SMAD4: variants seen among roughly 807,000 people sequenced by gnomAD.
SMAD4 encodes the protein SMAD family member 4, also known as MAD homolog 4.
A neutral mutation model predicts 63.2 loss-of-function variants in SMAD4; 7 were observed. That is an observed-to-expected ratio of 0.11 (90% CI 0.06 to 0.21). The LOEUF (loss-of-function observed/expected upper bound fraction) is 0.21. Ranked by LOEUF, SMAD4 falls within the 10% of genes least tolerant of loss-of-function variation. SMAD4 has a pLI of 1.00. For synonymous variants in SMAD4, 215 were observed against 235.4 expected (o/e 0.91, Z 0.79); for missense variants, 312 against 693.8 (o/e 0.45, Z 6.18).
intron 5 of SMAD4, among the ~76,000 whole-genome samples, chr18:51,057,124 A>C (rs1909866440): frequency 6.6e-6 from 1 of 152,214 alleles, no homozygotes; most frequent in Non-Finnish European, 1.5e-5. Flanking sequence ...GAAATGTGAT[A>C]TGTAAAGAAA....
Position 51,038,300 on chromosome 18 carries a change from G to GT in SMAD4, c.-128+7678dup, listed in dbSNP as rs1162950099. On this transcript the variant is annotated intron_variant, in intron 1 of 11. Coordinates refer to ENST00000342988, the MANE Select transcript of SMAD4 (RefSeq NM_005359.6). The stretch of plus-strand genomic sequence containing the variant: ...GTGTGTCAACACTGGGAAGATCTGT[G>GT]TAACTCATTGAACCAATATTTTCCC... Among the ~76,000 whole-genome samples the GT allele has an allele frequency of 2.4e-4, 37 of 151,808 alleles. No homozygotes were observed. In the South Asian group the frequency reaches 3.1e-3, roughly 13 times the overall value.
chr18:51,060,022 G>C, intron 8 of SMAD4, 106 bp downstream of exon 8: 1 of 813,554 alleles, frequency 1.2e-6, no homozygotes, highest in Non-Finnish European at 2.2e-6. Context: ...TCTCAGATGA[G>C]TACAATACTC....
intron 4 of SMAD4, chr18:51,052,408 C>A (rs1362623562): frequency 6.5e-6 from 1 of 153,108 alleles, no homozygotes; most frequent in Non-Finnish European, 1.5e-5. Flanking sequence ...AAAAATATTA[C>A]AAAAGACTGC....
chr18:51,045,491 AAGTT>A (rs1474959060), intron 1 of SMAD4, among the ~76,000 whole-genome samples: 5 of 152,184 alleles, frequency 3.3e-5, no homozygotes, highest in African/African-American at 1.2e-4. Flanking sequence ...GGGATCAGAT[AAGTT>A]AGTTTTCTAC....
chr18:51,057,518 T>G (rs959162751), intron 5 of SMAD4, among the ~76,000 whole-genome samples: 2 of 152,218 alleles, frequency 1.3e-5, no homozygotes, highest in African/African-American at 4.8e-5. Flanking sequence ...TGAAAAAATT[T>G]GAAAGTAGAC....
chr18:51,033,670 T>C (rs1291051519), intron 1 of SMAD4, among the ~76,000 whole-genome samples: 1 of 152,220 alleles, frequency 6.6e-6, no homozygotes, highest in African/African-American at 2.4e-5. Context: ...ATATGCTTGA[T>C]CATAAGTCAG....
intron 10 of SMAD4, among the ~76,000 whole-genome samples, chr18:51,071,930 A>G (rs543976042): frequency 6.6e-6 from 1 of 152,324 alleles, no homozygotes; most frequent in African/African-American, 2.4e-5. Context: ...AGCTTCATCC[A>G]TGTAGCACAT....
chr18:51,037,157 C>G (rs1485700072), intron 1 of SMAD4, among the ~76,000 whole-genome samples: 1 of 152,122 alleles, frequency 6.6e-6, no homozygotes, highest in Non-Finnish European at 1.5e-5. Flanking sequence ...GCACTCCAGC[C>G]TAGCTGACAG....
Position 51,065,614 on chromosome 18 carries a change from T to G in SMAD4, c.1139+8T>G. The stretch of plus-strand genomic sequence containing the variant: ...AGCCATTGAGAGAGCAAGGTATTGA[T>G]TGTATAGTCAGATAGTTACTTTAAA... On this transcript the variant is annotated splice_region_variant and intron_variant, in intron 9 of 11. Coordinates refer to ENST00000342988, the MANE Select transcript of SMAD4 (RefSeq NM_005359.6). 6.2e-7 allele frequency: 1 copy of G among 1,609,930 alleles called. No homozygotes were observed. Among genetic ancestry groups the G allele is most frequent in the Non-Finnish European group, 8.5e-7 (1 of 1,177,064 alleles).
intron 1 of SMAD4, among the ~76,000 whole-genome samples, chr18:51,042,077 T>A (rs1467672580): frequency 6.6e-6 from 1 of 152,162 alleles, no homozygotes; most frequent in Non-Finnish European, 1.5e-5. Flanking sequence ...TTGTAGAAAT[T>A]TGTGGATGGG....
chr18:51,068,687 G>A (rs944862040), intron 10 of SMAD4, among the ~76,000 whole-genome samples: 8 of 152,112 alleles, frequency 5.3e-5, no homozygotes, highest in Admixed American at 5.2e-4. Flanking sequence ...CGGAGGCCAA[G>A]GTTGGAGGAT....
chr18:51,056,620 CAAAAAAAAAAAAAA>C lies in SMAD4; in HGVS notation c.668-1494_668-1481del, dbSNP rs74178610. Among the ~76,000 whole-genome samples, 10 of 59,322 alleles carry C rather than the reference CAAAAAAAAAAAAAA, an allele frequency of 1.7e-4. No individual in the cohort carries two copies. In the South Asian group the frequency reaches 5.5e-3, roughly 33 times the overall value. The allele number at this position is 59,322 out of a possible 152,430, so 38.9% of individuals were successfully genotyped here. A position where few individuals can be genotyped will look rare whatever the true frequency, so the allele number is the denominator to read the frequency against. Reference sequence around the variant, plus strand: ...GGGCGACACAGCGAGACTCCATCTCCAAAAAAAAAAAAAAAAAAAAAAAAGAGGGTTCCCTTAGG... The same window carrying C: ...GGGCGACACAGCGAGACTCCATCTCCAAAAAAAAAAGAGGGTTCCCTTAGG... On this transcript the variant is annotated intron_variant, in intron 5 of 11. Coordinates refer to ENST00000342988, the MANE Select transcript of SMAD4 (RefSeq NM_005359.6).
intron 7 of SMAD4, among the ~76,000 whole-genome samples, chr18:51,059,275 G>C (rs983752616): frequency 6.6e-6 from 1 of 152,150 alleles, no homozygotes; most frequent in Non-Finnish European, 1.5e-5. Flanking sequence ...AGTGTTGAAG[G>C]GTGCTGGGTT....
At chr18:51,051,598 G>A (rs1162315354) in intron 4 of SMAD4, among the ~76,000 whole-genome samples, 2 of 152,148 alleles carry the variant, frequency 1.3e-5, no homozygotes, top group East Asian at 3.8e-4. Context: ...TTCCAGGGAT[G>A]CTTAGATAAT....
At chr18:51,034,181 C>T (rs895375097) in intron 1 of SMAD4, among the ~76,000 whole-genome samples, 7 of 151,848 alleles carry the variant, frequency 4.6e-5, no homozygotes, top group Middle Eastern at 3.5e-3. Context: ...TTTAGGGCAA[C>T]GGTCTTTTCT....
At position 51,034,846 on chromosome 18, in the gene SMAD4, A is replaced by C. The variant is rs113048972; in HGVS notation, c.-128+4223A>C. ...AAGGCATGAGCCACCACGCCTGGCA[A>C]GTAGTTTTCAATCTTGGCTGTACTT... On this transcript the variant is annotated intron_variant, in intron 1 of 11. Coordinates refer to ENST00000342988, the MANE Select transcript of SMAD4 (RefSeq NM_005359.6). Among the ~76,000 whole-genome samples the C allele has an allele frequency of 4.8e-3, 734 of 152,272 alleles. 1 individual carries two copies. Among genetic ancestry groups the C allele is most frequent in the Non-Finnish European group, 7.6e-3 (516 of 68,014 alleles).
chr18:51,058,904 T>TA, intron 7 of SMAD4, among the ~76,000 whole-genome samples: 1 of 152,338 alleles, frequency 6.6e-6, no homozygotes, highest in South Asian at 2.1e-4. Context: ...ACCCTACAGA[T>TA]AACATGTAGT....
intron 5 of SMAD4, among the ~76,000 whole-genome samples, chr18:51,056,620 C>CAAA (rs74178610): frequency 9.3e-4 from 55 of 59,198 alleles, no homozygotes; most frequent in Middle Eastern, 0.013. Flanking sequence ...ACTCCATCTC[C>CAAA]AAAAAAAAAA....
intron 7 of SMAD4, among the ~76,000 whole-genome samples, chr18:51,059,041 A>G (rs1693248526): frequency 6.6e-6 from 1 of 152,190 alleles, no homozygotes; most frequent in Non-Finnish European, 1.5e-5. Flanking sequence ...AAAATATAGA[A>G]AAGTATAAAT....
Sources: allele counts gnomAD v4.1 joint callset (sites outside exome capture counted in the v4.1 genomes callset), GRCh38; gene constraint gnomAD v4.1.1; transcripts MANE v1.5; gene names NCBI Gene and HGNC (gene_info 2026-07-23, HGNC 2026-07-21).